The following LCOR variants were observed in gnomAD, a reference collection of about 807,000 sequenced individuals.
The protein encoded by LCOR is ligand dependent nuclear receptor corepressor.
LCOR carries 14 observed loss-of-function variants against 64.4 expected under a neutral mutation model. That is an observed-to-expected ratio of 0.22 (90% CI 0.14 to 0.34). The LOEUF (loss-of-function observed/expected upper bound fraction) is 0.34. Ranked by LOEUF, LCOR falls within the 10% of genes least tolerant of loss-of-function variation. LCOR has a pLI of 1.00. For synonymous variants in LCOR, 643 were observed against 642.5 expected (o/e 1.00, Z -0.01); for missense variants, 1,686 against 1,765.3 (o/e 0.96, Z 0.80).
At chr10:96,832,423 CCGCCCCTCCGGCCGCCCCGCCGCCGGT>C (rs1403563443) in intron 1 of LCOR, 24 bp downstream of exon 1, 6 of 934,368 alleles carry the variant, frequency 6.4e-6, no homozygotes, top group African/African-American at 1.8e-5. Flanking sequence ...CCGACCGCCG[CCGCCCCTCCGGCCGCCCCGCCGCCGGT>C]CGCCCCAGAC....
chr10:96,891,999 G>A (rs1846454096), intron 2 of LCOR, among the ~76,000 whole-genome samples: 1 of 152,154 alleles, frequency 6.6e-6, no homozygotes, highest in East Asian at 1.9e-4. Flanking sequence ...TTTACGGCAA[G>A]TTTTTTTGTG....
intron 2 of LCOR, among the ~76,000 whole-genome samples, chr10:96,851,705 T>C (rs1845724100): frequency 6.6e-6 from 1 of 152,178 alleles, no homozygotes; most frequent in Non-Finnish European, 1.5e-5. Context: ...CACTTCTGGG[T>C]CTCTCAACTG....
chr10:96,850,176 A>G (rs1331184601), intron 2 of LCOR, among the ~76,000 whole-genome samples: 1 of 152,156 alleles, frequency 6.6e-6, no homozygotes, highest in Admixed American at 6.5e-5. Flanking sequence ...GCTGAAAATG[A>G]CCTTGATTAG....
At chr10:96,957,709 G>A (rs1472653383) in intron 7 of LCOR, 2 of 985,190 alleles carry the variant, frequency 2.0e-6, no homozygotes, top group Non-Finnish European at 2.4e-6. Context: ...AATTAAATTA[G>A]GTTAAGTTTT....
chr10:96,969,784 T>G (rs1473661993), intron 7 of LCOR, among the ~76,000 whole-genome samples: 2 of 144,784 alleles, frequency 1.4e-5, no homozygotes, highest in Non-Finnish European at 3.0e-5. Context: ...CTTTTTTTTT[T>G]TTTTTCTTTT....
rs553122437 is a variant in LCOR at position 96,919,105 on chromosome 10, G to A, written c.-184+11358G>A. On this transcript the variant is annotated intron_variant, in intron 4 of 7. Coordinates refer to ENST00000421806, the MANE Select transcript of LCOR (RefSeq NM_001346516.2). ...GCAGTTGAAATGTATACACATTGAG[G>A]TACCTTTCAACTGTAAAATTATATG... Among the ~76,000 whole-genome samples, 23 of 152,272 alleles carry A rather than the reference G, an allele frequency of 1.5e-4. No individual in the cohort carries two copies. The East Asian group carries it at 4.2e-3, about 28-fold the overall frequency.
intron 7 of LCOR, chr10:96,957,293 A>T (rs1404590138): frequency 1.0e-6 from 1 of 985,166 alleles, no homozygotes; most frequent in Non-Finnish European, 1.2e-6. Flanking sequence ...TTTAGCACAC[A>T]GTTCAGGACC....
chr10:96,837,101 C>G (rs1012202360), intron 2 of LCOR, among the ~76,000 whole-genome samples: 2 of 151,692 alleles, frequency 1.3e-5, no homozygotes, highest in Admixed American at 6.6e-5. Context: ...AAGCCATTCT[C>G]CTGCCTCAGC....
Position 96,984,496 on chromosome 10 carries a change from C to T in LCOR, c.4036C>T (p.Arg1346Cys), listed in dbSNP as rs984753063. ...DALAVESKPS[R>C]KSVCINPLMS... ...TCTGGCTGTGGAAAGTAAGCCAAGT[C>T]GTAAGAGCGTATGCATCAACCCTCT... Residue 1346 changes from arginine (R) to cysteine (C), a missense_variant, in exon 8 of 8, where the codon CGT becomes TGT. This residue lies in a region of LCOR where 1,293 missense variants were observed against 1,410.4 expected (regional missense o/e 0.92). Coordinates refer to ENST00000421806, the MANE Select transcript of LCOR (RefSeq NM_001346516.2). 7 of 1,614,148 alleles carry T rather than the reference C, an allele frequency of 4.3e-6. No individual in the cohort carries two copies. Among genetic ancestry groups the T allele is most frequent in the East Asian group, 4.5e-5 (2 of 44,890 alleles).
chr10:96,921,852 C>T (rs1847087245), intron 4 of LCOR, among the ~76,000 whole-genome samples: 1 of 152,152 alleles, frequency 6.6e-6, no homozygotes, highest in Non-Finnish European at 1.5e-5. Flanking sequence ...TGTTGGTACC[C>T]TTGTAGGAAA....
At position 96,982,361 on chromosome 10, in the gene LCOR, C is replaced by T; in HGVS notation, c.1901C>T (p.Ser634Phe). The T allele has an allele frequency of 6.2e-7, 1 of 1,614,162 alleles. No individual in the cohort carries two copies. The highest frequency in any genetic ancestry group is 1.3e-5 in the African/African-American group (1 of 75,034). Residue 634 changes from serine to phenylalanine, a missense_variant, in exon 8 of 8, where the codon TCC becomes TTC. Ser to Phe is a radical substitution (Grantham distance 155, BLOSUM62 -2). This residue lies in a region of LCOR where 1,293 missense variants were observed against 1,410.4 expected (regional missense o/e 0.92). Coordinates refer to ENST00000421806, the MANE Select transcript of LCOR (RefSeq NM_001346516.2). ...LPEEDLPEGGSTVSAPTASGM... is the reference protein window; with the variant it reads ...LPEEDLPEGGFTVSAPTASGM... ...GAAGAGGACCTGCCAGAAGGTGGCT[C>T]CACAGTCTCAGCTCCCACAGCAAGT... is the stretch of plus-strand genomic sequence containing the variant.
chr10:96,962,684 AAGAT>A (rs1847899535), intron 7 of LCOR: 2 of 152,166 alleles, frequency 1.3e-5, no homozygotes, highest in Admixed American at 6.5e-5. Flanking sequence ...AAACCAGACT[AAGAT>A]AGAAACCTTT....
At chr10:96,980,468 T>C (rs1465857148) in intron 7 of LCOR, among the ~76,000 whole-genome samples, 1 of 152,230 alleles carries the variant, frequency 6.6e-6, no homozygotes, top group Non-Finnish European at 1.5e-5. Flanking sequence ...GCTGACCTTA[T>C]AATTAGGTAA....
At chr10:96,893,762 C>CAAA (rs376847220) in intron 2 of LCOR, among the ~76,000 whole-genome samples, 62 of 94,548 alleles carry the variant, frequency 6.6e-4, no homozygotes, top group African/African-American at 2.2e-3. Flanking sequence ...GACTCTGTTT[C>CAAA]AAAAAAAAAA....
intron 2 of LCOR, among the ~76,000 whole-genome samples, chr10:96,837,154 C>T (rs1432362467): frequency 2.6e-5 from 4 of 152,164 alleles, no homozygotes; most frequent in Non-Finnish European, 1.5e-5. Context: ...CCACGCTCGG[C>T]TAATTTTTTG....
At chr10:96,914,175 C>T (rs930177811) in intron 4 of LCOR, among the ~76,000 whole-genome samples, 2 of 152,116 alleles carry the variant, frequency 1.3e-5, no homozygotes, top group African/African-American at 4.8e-5. Flanking sequence ...GGTTATATCC[C>T]TTTAACATTT....
intron 7 of LCOR, among the ~76,000 whole-genome samples, chr10:96,976,879 T>C (rs1447103925): frequency 1.3e-5 from 2 of 152,124 alleles, no homozygotes; most frequent in Non-Finnish European, 2.9e-5. Flanking sequence ...CCTAGAAAAT[T>C]TTTGCGAAGA....
chr10:96,966,084 A>G (rs1847946571), intron 7 of LCOR, among the ~76,000 whole-genome samples: 1 of 151,764 alleles, frequency 6.6e-6, no homozygotes, highest in Admixed American at 6.6e-5. Flanking sequence ...TTTGGAAACT[A>G]ATTCAGGGGG....
Position 96,985,014 on chromosome 10 carries a change from A to G in LCOR, c.4554A>G (p.Gly1518=). The G allele has an allele frequency of 1.9e-6, 3 of 1,614,214 alleles. No individual in the cohort carries two copies. Among genetic ancestry groups the G allele is most frequent in the South Asian group, 2.2e-5 (2 of 91,080 alleles). The part of the protein sequence containing the change: ...QKATNRKQSS[G]KTRARPSTKT... ...CCACGAATAGGAAGCAGAGTAGTGG[A>G]AAGACTCGGGCCAGACCCTCAACGA... The change falls in exon 8 of 8, where the codon GGA becomes GGG. Residue 1518 remains glycine, a synonymous_variant. Transcript: ENST00000421806.
Sources: allele counts gnomAD v4.1 joint callset (sites outside exome capture counted in the v4.1 genomes callset), GRCh38; gene constraint gnomAD v4.1.1; regional missense constraint gnomAD v4.1.1; transcripts MANE v1.5; gene names NCBI Gene and HGNC (gene_info 2026-07-23, HGNC 2026-07-21).